The following FBRSL1 variants were observed in gnomAD, a reference collection of about 807,000 sequenced individuals.
FBRSL1 encodes fibrosin-1-like protein.
In FBRSL1, 51 loss-of-function variants were observed where a neutral mutation model predicts 89.6. The observed-to-expected ratio is 0.57, with a 90% CI of 0.45 to 0.72. The LOEUF (loss-of-function observed/expected upper bound fraction) is 0.72, where lower values mean the gene tolerates loss of function less well. Ranked by LOEUF, FBRSL1 falls within the 30% of genes least tolerant of loss-of-function variation. The pLI is 0.00. For missense variants in FBRSL1, 1,618 were observed against 1,451.8 expected (o/e 1.11, Z -1.86); for synonymous variants, 779 against 681.1 (o/e 1.14, Z -2.24).
rs72443894 is a variant in FBRSL1, at chr12:132,584,819, T to TAC, written c.*1073_*1074dup. ...AGTGCAAGAGTCTAAAGGCTGATTT[T>TAC]ACACACACACACACACACACACACA... On this transcript the variant is annotated 3_prime_UTR_variant, in exon 19 of 19. Transcript: ENST00000680143. 17,041 of 99,354 alleles carry TAC rather than the reference T, an allele frequency of 0.17. 994 individuals carry two copies. The highest frequency in any genetic ancestry group is 0.25 in the Middle Eastern group (58 of 228). The allele number at this position is 99,354 out of a possible 1,614,324, so 6.2% of individuals were successfully genotyped here.
chr12:132,529,408 G>A (rs1047901672), intron 4 of FBRSL1, among the ~76,000 whole-genome samples: 2 of 152,184 alleles, frequency 1.3e-5, no homozygotes, highest in Non-Finnish European at 2.9e-5. Flanking sequence ...AGCCTCATGG[G>A]CAGGAATTGG....
At chr12:132,491,208 C>T (rs2030872871) in intron 1 of FBRSL1, among the ~76,000 whole-genome samples, 1 of 152,158 alleles carries the variant, frequency 6.6e-6, no homozygotes, top group African/African-American at 2.4e-5. Context: ...TCAGGACGTG[C>T]TAGGGAGCAG....
In FBRSL1 at chr12:132,572,562, G is replaced by A. The variant is rs2040106689; in HGVS notation, c.1470G>A (p.Leu490=). 3 of 1,551,296 alleles carry A rather than the reference G, an allele frequency of 1.9e-6. No homozygotes were observed. The highest frequency in any genetic ancestry group is 2.6e-6 in the Non-Finnish European group (3 of 1,146,858). ...CCTTCCCTCCTGCCATCCCGGGACT[G>A]CCCACCCTGCTCCCACACCCCGGCC... is the stretch of plus-strand genomic sequence containing the variant. ...FPSFPPAIPG[L]PTLLPHPGPF... is the part of the protein sequence containing the mutation. The change falls in exon 11 of 19, where the codon CTG becomes CTA. Residue 490 remains leucine, a synonymous_variant. Transcript: ENST00000680143.
At chr12:132,514,102 G>A (rs1409573839) in intron 2 of FBRSL1, among the ~76,000 whole-genome samples, 3 of 152,374 alleles carry the variant, frequency 2.0e-5, no homozygotes, top group Middle Eastern at 6.8e-3. Flanking sequence ...GGGCACTGAG[G>A]ACGATGAGCT....
chr12:132,512,971 G>T (rs1225875288), intron 2 of FBRSL1, among the ~76,000 whole-genome samples: 1 of 152,224 alleles, frequency 6.6e-6, no homozygotes, highest in Non-Finnish European at 1.5e-5. Context: ...CATGGGGAGG[G>T]CAGAGACACC....
intron 4 of FBRSL1, among the ~76,000 whole-genome samples, chr12:132,539,133 TGCCCG>T (rs1319842893): frequency 6.6e-6 from 1 of 152,020 alleles, no homozygotes; most frequent in East Asian, 1.9e-4. Context: ...CCCCACACAC[TGCCCG>T]GCCCCCACCC....
At chr12:132,508,748 C>T (rs551243776) in intron 2 of FBRSL1, among the ~76,000 whole-genome samples, 1 of 152,372 alleles carries the variant, frequency 6.6e-6, no homozygotes, top group East Asian at 1.9e-4. Context: ...TGTCCACACG[C>T]AGCGCCATCC....
chr12:132,529,850 C>T (rs1412762562), intron 4 of FBRSL1, among the ~76,000 whole-genome samples: 1 of 152,246 alleles, frequency 6.6e-6, no homozygotes, highest in African/African-American at 2.4e-5. Context: ...GTGGCTGGAG[C>T]TCACTTCTGG....
intron 4 of FBRSL1, among the ~76,000 whole-genome samples, chr12:132,536,119 G>C (rs1159191791): frequency 6.7e-6 from 1 of 149,648 alleles, no homozygotes; most frequent in Non-Finnish European, 1.5e-5. Flanking sequence ...GTACATGACA[G>C]TGTGCCATGT....
intron 9 of FBRSL1, 159 bp from the exon 10 acceptor site, chr12:132,572,129 T>C (rs2040064169): frequency 1.6e-6 from 1 of 632,930 alleles, no homozygotes; most frequent in East Asian, 2.7e-5. Flanking sequence ...GCCGTGGGGC[T>C]GGCGCTCTAG....
chr12:132,531,672 G>A (rs1173707773), intron 4 of FBRSL1, among the ~76,000 whole-genome samples: 1 of 149,692 alleles, frequency 6.7e-6, no homozygotes, highest in Non-Finnish European at 1.5e-5. Context: ...TGTGTGTTGT[G>A]CACGTGGCGT....
At chr12:132,506,280 AAC>A (rs1268624709) in intron 1 of FBRSL1, among the ~76,000 whole-genome samples, 1 of 152,180 alleles carries the variant, frequency 6.6e-6, no homozygotes, top group Non-Finnish European at 1.5e-5. Context: ...AAAGCAGAGT[AAC>A]ACTAGAGCAG....
intron 15 of FBRSL1, 117 bp downstream of exon 15, chr12:132,577,048 C>A: frequency 7.5e-7 from 1 of 1,340,136 alleles, no homozygotes; most frequent in Non-Finnish European, 1.0e-6. Context: ...CCAGCCTTTG[C>A]TTCTTGATGC....
At chr12:132,514,471 G>T (rs1051398576) in intron 2 of FBRSL1, among the ~76,000 whole-genome samples, 1 of 152,210 alleles carries the variant, frequency 6.6e-6, no homozygotes, top group Non-Finnish European at 1.5e-5. Flanking sequence ...TCCTCCTCCG[G>T]CCAGAAGCTG....
At chr12:132,543,724 G>A (rs540475170) in intron 4 of FBRSL1, among the ~76,000 whole-genome samples, 11 of 152,352 alleles carry the variant, frequency 7.2e-5, no homozygotes, top group African/African-American at 2.4e-4. Flanking sequence ...GAGGTGCTAA[G>A]CATCCCCACC....
chr12:132,551,624 G>A (rs1184189090), intron 5 of FBRSL1: 1 of 455,032 alleles, frequency 2.2e-6, no homozygotes, highest in Non-Finnish European at 4.4e-6. Context: ...GGGCTCTCCT[G>A]CCAATCAAGG....
intron 8 of FBRSL1, 104 bp from the exon 9 acceptor site, chr12:132,570,964 C>A: frequency 1.3e-6 from 1 of 792,958 alleles, no homozygotes; most frequent in Non-Finnish European, 1.5e-6. Context: ...CCGGCCCAGG[C>A]TGGGGACGGC....
chr12:132,545,314 G>T (rs563627195), intron 4 of FBRSL1, among the ~76,000 whole-genome samples: 4 of 152,244 alleles, frequency 2.6e-5, no homozygotes, highest in Admixed American at 1.3e-4. Flanking sequence ...GGCAGCTTCC[G>T]AGAGGTGGAT....
At chr12:132,565,491 G>A (rs892195665) in intron 5 of FBRSL1, 7 of 152,146 alleles carry the variant, frequency 4.6e-5, no homozygotes, top group Non-Finnish European at 7.3e-5. Context: ...CCACGTACAC[G>A]TACCCAACTG....
Sources: allele counts gnomAD v4.1 joint callset (sites outside exome capture counted in the v4.1 genomes callset), GRCh38; gene constraint gnomAD v4.1.1; transcripts MANE v1.5; gene names NCBI Gene and HGNC (gene_info 2026-07-23, HGNC 2026-07-21).